Variants in MYH11 observed in about 807,000 individuals in gnomAD.
MYH11 encodes myosin-11.
In MYH11, 80 loss-of-function variants were observed where a neutral mutation model predicts 246.6. The observed-to-expected ratio is 0.32, with a 90% confidence interval of 0.27 to 0.39. The LOEUF is 0.39. Among genes scored for constraint, MYH11 ranks in the 10% least tolerant of loss-of-function variants. The pLI is 1.00. For synonymous variants in MYH11, 1,071 were observed against 1,015.5 expected, an observed-to-expected ratio of 1.05 and a Z score of -1.04; for missense variants, 2,158 against 2,546.8, an observed-to-expected ratio of 0.85 and a Z score of 3.29.
At chr16:15,738,513 T>TA (rs989175983) in intron 24 of MYH11, 52 bp downstream of exon 24, 45 of 1,526,608 alleles carry the variant, frequency 2.9e-5, no homozygotes, top group African/African-American at 1.7e-4. Flanking sequence ...ACCTCATCTC[T>TA]AAAAAAAATA....
intron 3 of MYH11, among the ~76,000 whole-genome samples, chr16:15,822,660 A>C (rs1466236090): frequency 6.6e-6 from 1 of 152,198 alleles, no homozygotes; most frequent in African/African-American, 2.4e-5. Context: ...GGTTGCAGGG[A>C]GCCGAGATGG....
chr16:15,712,107 A>C (rs1299515642), intron 40 of MYH11, among the ~76,000 whole-genome samples: 1 of 152,180 alleles, frequency 6.6e-6, no homozygotes, highest in East Asian at 1.9e-4. Context: ...ATTGTTGGCA[A>C]CTTCATCATT....
rs796580202 is a variant in MYH11, at chr16:15,788,650, C to T, written c.531-1918G>A. ...TGGCCAAGAATGATGAAACATCTTG[C>T]GGTGACTTTGTGTGGTCCCTTCCCT... On this transcript the variant is annotated intron_variant, in intron 4 of 40. Transcript: ENST00000300036. 7.2e-5 allele frequency among the ~76,000 whole-genome samples: 11 copies of T among 152,300 alleles called. 1 individual carries two copies. Among genetic ancestry groups the T allele is most frequent in the African/African-American group, 2.6e-4 (11 of 41,556 alleles).
intron 11 of MYH11, 134 bp downstream of exon 11, chr16:15,760,406 A>C: frequency 1.3e-6 from 1 of 786,284 alleles, no homozygotes; most frequent in Non-Finnish European, 2.3e-6. Flanking sequence ...AGAAAGATGG[A>C]TGGATGGACA....
chr16:15,856,461 G>T lies in MYH11; in HGVS notation c.-18+480C>A, dbSNP rs1414087577. Reference sequence around the variant, plus strand: ...ACAAGGAGCCTCACTTTGCCCTTCTGTGTGATAGCAAGTGACTTTTCAGTG... The same window carrying T: ...ACAAGGAGCCTCACTTTGCCCTTCTTTGTGATAGCAAGTGACTTTTCAGTG... On this transcript the variant is annotated intron_variant, in intron 1 of 40. Transcript: ENST00000300036. Among the ~76,000 whole-genome samples the T allele has an allele frequency of 2.6e-5, 4 of 152,186 alleles. No individual in the cohort carries two copies. In the East Asian group the frequency reaches 7.7e-4, roughly 29 times the overall value.
rs964398892 is a variant in MYH11 at position 15,771,853 on chromosome 16, C to T, written c.890-141G>A. 1.4e-5 allele frequency: 15 copies of T among 1,085,568 alleles called. No homozygotes were observed. The African/African-American group carries it at 1.4e-4, about 10-fold the overall frequency. 67.2% of individuals were successfully genotyped at this position (1,085,568 alleles called of 1,614,324 possible). Reference sequence around the variant, plus strand: ...TGAACCGTTTAAAGCCCTCACGCATCGTCACGTAGACAGCCTCACCAACCA... The same window carrying T: ...TGAACCGTTTAAAGCCCTCACGCATTGTCACGTAGACAGCCTCACCAACCA... On this transcript the variant is annotated intron_variant, in intron 8 of 40. Transcript: ENST00000300036.
intron 5 of MYH11, chr16:15,785,514 C>A (rs564151585): frequency 6.6e-6 from 1 of 151,868 alleles, no homozygotes; most frequent in African/African-American, 2.4e-5. Context: ...TCTCCAAAGC[C>A]ACGACCAGCG....
intron 1 of MYH11, among the ~76,000 whole-genome samples, chr16:15,854,736 A>G (rs1219837706): frequency 6.6e-6 from 1 of 152,138 alleles, no homozygotes; most frequent in Admixed American, 6.5e-5. Flanking sequence ...AGAAAAATCT[A>G]CTATATATCT....
intron 40 of MYH11, among the ~76,000 whole-genome samples, chr16:15,711,518 G>GGTAT (rs2039793264): frequency 6.6e-6 from 1 of 152,022 alleles, no homozygotes; most frequent in Admixed American, 6.6e-5. Context: ...ATATAGAGGA[G>GGTAT]GTATGTTTAT....
At chr16:15,763,739 C>CCT in intron 10 of MYH11, 57 bp downstream of exon 10, 1 of 703,318 alleles carries the variant, frequency 1.4e-6, no homozygotes, top group Non-Finnish European at 2.7e-6. Flanking sequence ...TTAAATGTCA[C>CCT]CTCCCCCACC....
chr16:15,804,184 T>C lies in MYH11; in HGVS notation c.503-5497A>G, dbSNP rs551803297. 1.7e-4 allele frequency among the ~76,000 whole-genome samples: 26 copies of C among 152,204 alleles called. No individual in the cohort carries two copies. The South Asian group carries it at 4.6e-3, about 27-fold the overall frequency. Reference sequence around the variant, plus strand: ...TAATCCATTCTCTCTCTCTCTCTCTTTTTTCCTTCCATTGAGGTAAAATTT... The same window carrying C: ...TAATCCATTCTCTCTCTCTCTCTCTCTTTTCCTTCCATTGAGGTAAAATTT... On this transcript the variant is annotated intron_variant, in intron 3 of 40. Transcript: ENST00000300036.
intron 11 of MYH11, 54 bp downstream of exon 11, chr16:15,760,486 T>A: frequency 3.1e-6 from 4 of 1,308,344 alleles, no homozygotes; most frequent in Non-Finnish European, 1.1e-6. Flanking sequence ...GATAGATGGA[T>A]GAATGGATGG....
chr16:15,856,791 A>C (rs1391159751), intron 1 of MYH11, 150 bp downstream of exon 1: 1 of 152,042 alleles, frequency 6.6e-6, no homozygotes, highest in Non-Finnish European at 1.5e-5. Context: ...GCAGAGAGAG[A>C]TCCAAATCAC....
At chr16:15,720,768 C>T in intron 33 of MYH11, 71 bp downstream of exon 33, 1 of 1,489,044 alleles carries the variant, frequency 6.7e-7, no homozygotes, top group Non-Finnish European at 9.3e-7. Context: ...TCCACACCAA[C>T]CATGAGAGTG....
At position 15,765,387 on chromosome 16, in the gene MYH11, G is replaced by C. The variant is rs182462469; in HGVS notation, c.1034-1496C>G. Among the ~76,000 whole-genome samples the C allele has an allele frequency of 5.3e-5, 8 of 149,972 alleles. No homozygotes were observed. In the East Asian group the frequency reaches 1.2e-3, roughly 22 times the overall value. Reference sequence around the variant, plus strand: ...ACAGAGGATTGATGGATAGACGATGGATAGATGGATGGAGAATTGATGGAG... The same window carrying C: ...ACAGAGGATTGATGGATAGACGATGCATAGATGGATGGAGAATTGATGGAG... On this transcript the variant is annotated intron_variant, in intron 9 of 40. Transcript: ENST00000300036.
chr16:15,782,403 G>C lies in MYH11; in HGVS notation c.708C>G (p.Asn236Lys). 6.2e-7 allele frequency: 1 copy of C among 1,614,112 alleles called. No homozygotes were observed. Among genetic ancestry groups the C allele is most frequent in the Non-Finnish European group, 8.5e-7 (1 of 1,179,974 alleles). The stretch of plus-strand genomic sequence containing the variant: ...TACTTACGAATCGTGAGGAGTTGTC[G>C]TTCTTCACTGTTTTGGCGTTGCCGA... ...EAFGNAKTVK[N>K]DNSSRFGKFI... The change falls in exon 6 of 41, where the codon AAC becomes AAG. Residue 236 changes from asparagine to lysine, a missense_variant. Transcript: ENST00000300036.
At chr16:15,780,473 G>C (rs71392065) in intron 6 of MYH11, among the ~76,000 whole-genome samples, 6 of 51,714 alleles carry the variant, frequency 1.2e-4, no homozygotes, top group Non-Finnish European at 1.9e-4. Context: ...AGATTTTTAC[G>C]CTTTTTTTTT....
At chr16:15,846,479 A>AG (rs777082498) in intron 1 of MYH11, among the ~76,000 whole-genome samples, 4 of 152,162 alleles carry the variant, frequency 2.6e-5, no homozygotes, top group African/African-American at 7.2e-5. Flanking sequence ...ACAGAACGTG[A>AG]GGGGGGCTTG....
At chr16:15,828,694 G>A (rs1186204545) in intron 2 of MYH11, among the ~76,000 whole-genome samples, 3 of 151,524 alleles carry the variant, frequency 2.0e-5, no homozygotes, top group Non-Finnish European at 4.4e-5. Flanking sequence ...TCGGGAGGCC[G>A]AGGTAGGAGA....
Sources: gnomAD v4.1 joint callset for allele counts (sites outside exome capture counted in the v4.1 genomes callset) on GRCh38, gnomAD v4.1.1 for gene constraint, MANE v1.5 for transcripts, NCBI Gene and HGNC (gene_info 2026-07-23, HGNC 2026-07-21) for gene names.